Variants in PTPRN2 observed in about 807,000 individuals in gnomAD.
PTPRN2 encodes protein tyrosine phosphatase receptor type N2.
A neutral mutation model predicts 118.8 loss-of-function variants in PTPRN2; 74 were observed. The observed-to-expected ratio is 0.62, with a 90% confidence interval of 0.52 to 0.76. The LOEUF is 0.76. Among genes scored for constraint, PTPRN2 ranks in the 30% least tolerant of loss-of-function variants. The pLI is 0.00. For synonymous variants in PTPRN2, 641 were observed against 608.0 expected (o/e 1.05, Z -0.80); for missense variants, 1,481 against 1,394.4 (o/e 1.06, Z -0.99).
chr7:158,270,790 CACCTGGACCACCCCCT>C lies in PTPRN2; in HGVS notation c.277+46013_277+46028del, dbSNP rs1563067394. 1.2e-3 allele frequency among the ~76,000 whole-genome samples: 142 copies of C among 118,332 alleles called. 4 individuals are homozygous for C. The highest frequency in any genetic ancestry group is 1.8e-3 in the Non-Finnish European group (104 of 56,386). 77.6% of individuals were successfully genotyped at this position (118,332 alleles called of 152,430 possible). On this transcript the variant is annotated intron_variant, in intron 3 of 22. Transcript: ENST00000389418. ...ACCCCGTCCACCTGGACCACCCCTC[CACCTGGACCACCCCCT>C]CACCTGGACCGCCCCCTCCACCTGG...
chr7:158,007,272 T>C (rs1481487935), intron 11 of PTPRN2, among the ~76,000 whole-genome samples: 1 of 152,060 alleles, frequency 6.6e-6, no homozygotes, highest in Non-Finnish European at 1.5e-5. Flanking sequence ...CCATCCCAGG[T>C]GGAGCTGCGG....
intron 5 of PTPRN2, among the ~76,000 whole-genome samples, chr7:158,171,348 T>TATATACACACACACATTTTTTTAC (rs1554571717): frequency 1.1e-5 from 1 of 90,004 alleles, no homozygotes; most frequent in African/African-American, 5.1e-5. Context: ...TATATATATA[T>TATATACACACACACATTTTTTTAC]ACACACACAC....
chr7:158,452,052 CATT>C (rs1313268284), intron 2 of PTPRN2, among the ~76,000 whole-genome samples: 1 of 152,116 alleles, frequency 6.6e-6, no homozygotes, highest in Non-Finnish European at 1.5e-5. Context: ...AAAATGTCAT[CATT>C]ATCATATACC....
At chr7:157,894,813 G>A (rs1040584536) in intron 12 of PTPRN2, among the ~76,000 whole-genome samples, 1 of 152,192 alleles carries the variant, frequency 6.6e-6, no homozygotes, top group Non-Finnish European at 1.5e-5. Context: ...GGGGAAGTGG[G>A]GAGGGGGCTG....
At chr7:157,579,752 A>C (rs537246634) in intron 17 of PTPRN2, among the ~76,000 whole-genome samples, 202 of 152,354 alleles carry the variant, frequency 1.3e-3, no homozygotes, top group Middle Eastern at 3.4e-3. Flanking sequence ...GCAATCCCAA[A>C]GGCGCTCTGG....
intron 11 of PTPRN2, among the ~76,000 whole-genome samples, chr7:158,054,848 A>G (rs540254123): frequency 6.6e-6 from 1 of 152,128 alleles, no homozygotes; most frequent in Admixed American, 6.5e-5. Flanking sequence ...CCAATCCATC[A>G]CCAAATCCCA....
At chr7:158,118,893 G>C (rs1019207754) in intron 9 of PTPRN2, among the ~76,000 whole-genome samples, 1 of 152,056 alleles carries the variant, frequency 6.6e-6, no homozygotes, top group Non-Finnish European at 1.5e-5. Flanking sequence ...TGTAGAGATG[G>C]GGTTTTGCCA....
chr7:158,541,391 A>G (rs374236584), intron 1 of PTPRN2: 26 of 1,317,898 alleles, frequency 2.0e-5, no homozygotes, highest in Non-Finnish European at 2.4e-5. Flanking sequence ...TAAGGCCAAA[A>G]TGCCAGCAAA....
At chr7:158,243,824 T>C (rs952015980) in intron 3 of PTPRN2, among the ~76,000 whole-genome samples, 7 of 152,144 alleles carry the variant, frequency 4.6e-5, no homozygotes, top group African/African-American at 1.7e-4. Flanking sequence ...GTCTACTTAG[T>C]ACTAACTACT....
chr7:158,081,162 C>G, intron 11 of PTPRN2, 136 bp downstream of exon 11: 1 of 855,638 alleles, frequency 1.2e-6, no homozygotes, highest in Admixed American at 2.0e-5. Context: ...CCACGGAAAC[C>G]GAGACCTTCC....
At chr7:158,295,610 C>T (rs1356868114) in intron 3 of PTPRN2, among the ~76,000 whole-genome samples, 1 of 147,716 alleles carries the variant, frequency 6.8e-6, no homozygotes, top group African/African-American at 2.5e-5. Flanking sequence ...TCTCCATGTG[C>T]GTGGTTCACC....
At chr7:157,982,143 CA>C (rs1237459272) in intron 11 of PTPRN2, among the ~76,000 whole-genome samples, 23 of 112,260 alleles carry the variant, frequency 2.0e-4, no homozygotes, top group East Asian at 8.3e-4. Context: ...CAGCGTCCCC[CA>C]TAAACCCCGA....
chr7:158,090,682 T>C (rs909440270), intron 10 of PTPRN2, among the ~76,000 whole-genome samples: 2 of 152,220 alleles, frequency 1.3e-5, no homozygotes, highest in South Asian at 2.1e-4. Flanking sequence ...TCAAGACTTA[T>C]GAGACAAACA....
At chr7:158,203,612 G>C (rs568388989) in intron 4 of PTPRN2, among the ~76,000 whole-genome samples, 1 of 152,140 alleles carries the variant, frequency 6.6e-6, no homozygotes, top group African/African-American at 2.4e-5. Flanking sequence ...CCAGAGTGAG[G>C]AGGAGCCATC....
chr7:158,216,351 G>T (rs1432778275), intron 3 of PTPRN2, among the ~76,000 whole-genome samples: 1 of 151,914 alleles, frequency 6.6e-6, no homozygotes, highest in Admixed American at 6.6e-5. Context: ...AATTAAATGA[G>T]TTTTAAATCC....
chr7:158,051,904 G>T (rs1809352444), intron 11 of PTPRN2, among the ~76,000 whole-genome samples: 1 of 152,168 alleles, frequency 6.6e-6, no homozygotes, highest in Admixed American at 6.5e-5. Flanking sequence ...ATTTAAATGT[G>T]CGGTGACTAC....
chr7:157,575,888 T>C lies in PTPRN2; in HGVS notation c.2783+725A>G, dbSNP rs1044754370. Among the ~76,000 whole-genome samples, 2 of 152,214 alleles carry C rather than the reference T, an allele frequency of 1.3e-5. 1 individual carries two copies. The highest frequency in any genetic ancestry group is 4.1e-4 in the South Asian group (2 of 4,834). ...ATTTAGAGCTTCGTCACTGATGCTT[T>C]TGACAATTTCATTTTCCTTGTGGTG... On this transcript the variant is annotated intron_variant, in intron 19 of 22. Coordinates refer to ENST00000389418, the MANE Select transcript of PTPRN2 (RefSeq NM_002847.5).
At chr7:158,038,440 C>T (rs993039463) in intron 11 of PTPRN2, among the ~76,000 whole-genome samples, 1 of 151,982 alleles carries the variant, frequency 6.6e-6, no homozygotes, top group Non-Finnish European at 1.5e-5. Context: ...AAAATAAGGG[C>T]AAATATTTTT....
chr7:158,224,688 G>C (rs188126559), intron 3 of PTPRN2, among the ~76,000 whole-genome samples: 2 of 152,260 alleles, frequency 1.3e-5, no homozygotes, highest in Admixed American at 1.3e-4. Flanking sequence ...TCTTAGACTT[G>C]ACATCAAACA....
Sources: allele counts gnomAD v4.1 joint callset (sites outside exome capture counted in the v4.1 genomes callset), GRCh38; gene constraint gnomAD v4.1.1; transcripts MANE v1.5; gene names NCBI Gene and HGNC (gene_info 2026-07-23, HGNC 2026-07-21).